CNBD2: variants seen among roughly 807,000 people sequenced by gnomAD.
CNBD2 encodes the protein cyclic nucleotide-binding domain-containing protein 2.
In CNBD2, 64 loss-of-function variants were observed where a neutral mutation model predicts 63.7. That is an observed-to-expected ratio of 1.00 (90% CI 0.82 to 1.24). The LOEUF (loss-of-function observed/expected upper bound fraction) is 1.24. Ranked by LOEUF, CNBD2 falls within the 50% of genes most tolerant of loss-of-function variation. The probability of loss-of-function intolerance (pLI) is 0.00; values close to 1 mark genes in which losing one functional copy is unlikely to be tolerated. For synonymous variants in CNBD2, 229 were observed against 255.4 expected (o/e 0.90, Z 0.99); for missense variants, 691 against 713.5 (o/e 0.97, Z 0.36).
At chr20:35,969,437 C>G (rs989383966) in intron 1 of CNBD2, among the ~76,000 whole-genome samples, 11 of 147,924 alleles carry the variant, frequency 7.4e-5, no homozygotes, top group African/African-American at 2.7e-4. Flanking sequence ...AAGCTCTTTA[C>G]CATCCCATGC....
At chr20:35,968,186 A>AG (rs1373184920), upstream of CNBD2, among the ~76,000 whole-genome samples, 13 of 152,230 alleles carry the variant, frequency 8.5e-5, no homozygotes, top group African/African-American at 3.1e-4. Context: ...ATGCAAATTA[A>AG]GGGGCAGGTT....
chr20:35,961,965 A>G (rs1422103296), intron 2 of CNBD2, among the ~76,000 whole-genome samples: 1 of 152,094 alleles, frequency 6.6e-6, no homozygotes, highest in Non-Finnish European at 1.5e-5. Flanking sequence ...CACCATCCCA[A>G]TGTTCTACTG....
intron 2 of CNBD2, 134 bp downstream of exon 2, chr20:35,972,900 T>C: frequency 1.3e-6 from 1 of 773,072 alleles, no homozygotes; most frequent in East Asian, 2.6e-5. Flanking sequence ...TGGTCACTTT[T>C]ATTAATGGCC....
rs537571918 is a variant in CNBD2, at chr20:35,995,409, C to G, written c.970+257C>G. On this transcript the variant is annotated intron_variant, in intron 8 of 11. Coordinates refer to ENST00000373973, the MANE Select transcript of CNBD2 (RefSeq NM_001365709.1). The stretch of plus-strand genomic sequence containing the variant: ...ACTCCTTGCCTCACATATCCCCCAC[C>G]CTTTTTTTCACCCAGCTCTCTTCTG... Among the ~76,000 whole-genome samples, 41 of 152,230 alleles carry G rather than the reference C, an allele frequency of 2.7e-4. 2 individuals carry two copies. The South Asian group carries it at 6.9e-3, about 25-fold the overall frequency.
chr20:35,972,994 G>A (rs1160104183), intron 2 of CNBD2: 3 of 551,752 alleles, frequency 5.4e-6, no homozygotes, highest in Non-Finnish European at 9.5e-6. Flanking sequence ...AGCCTTACAT[G>A]CCTAGCCACA....
chr20:35,974,491 T>C (rs1313347776), intron 2 of CNBD2: 1 of 153,798 alleles, frequency 6.5e-6, no homozygotes. Context: ...CCAGAGTGGC[T>C]TGAGCAGAGC....
intron 7 of CNBD2, among the ~76,000 whole-genome samples, chr20:35,989,952 C>G (rs1157148626): frequency 6.6e-6 from 1 of 150,904 alleles, no homozygotes; most frequent in Non-Finnish European, 1.5e-5. Context: ...AAGGAGCAAG[C>G]AAGAGAGAGA....
intron 1 of CNBD2, 23 bp from the exon 2 acceptor site, chr20:35,972,606 T>C: frequency 3.7e-6 from 6 of 1,612,852 alleles, no homozygotes; most frequent in Non-Finnish European, 5.1e-6. Context: ...TTTCTATTGA[T>C]CTTGTTTGCT....
chr20:36,002,180 C>G (rs1216093021), intron 8 of CNBD2, among the ~76,000 whole-genome samples: 1 of 152,204 alleles, frequency 6.6e-6, no homozygotes, highest in South Asian at 2.1e-4. Flanking sequence ...GGATCACTCG[C>G]GGTTAGGAGC....
intron 10 of CNBD2, among the ~76,000 whole-genome samples, chr20:36,011,748 C>T (rs971521679): frequency 1.9e-4 from 29 of 152,148 alleles, no homozygotes; most frequent in Non-Finnish European, 1.3e-4. Flanking sequence ...TAATTCCAAA[C>T]AATTTTTTTA....
chr20:35,976,628 T>C (rs529871225), intron 3 of CNBD2, among the ~76,000 whole-genome samples: 5 of 152,342 alleles, frequency 3.3e-5, no homozygotes, highest in Admixed American at 1.3e-4. Flanking sequence ...AGAATGCTTT[T>C]ATATCCATGG....
chr20:35,955,912 A>G (rs6058376), downstream of CNBD2, among the ~76,000 whole-genome samples: 39,588 of 151,944 alleles, frequency 0.26, 6,191 homozygotes, highest in African/African-American at 0.44. Flanking sequence ...GTACAGATGG[A>G]GTTTCACCGT....
rs530584826 is a variant in CNBD2, at chr20:36,008,209, G to A, written c.971-88G>A. The A allele has an allele frequency of 6.5e-5, 72 of 1,110,344 alleles. No homozygotes were observed. In the African/African-American group the frequency reaches 1.1e-3, roughly 16 times the overall value. 68.8% of individuals were successfully genotyped at this position (1,110,344 alleles called of 1,614,324 possible). A position where few individuals can be genotyped will look rare whatever the true frequency, so the allele number is the denominator to read the frequency against. On this transcript the variant is annotated intron_variant, in intron 8 of 11. Coordinates refer to ENST00000373973, the MANE Select transcript of CNBD2 (RefSeq NM_001365709.1). Reference sequence around the variant, plus strand: ...CCCATGTGCTAGACCATCCAGGCAGGTTCCTGTGATAAGCTTCAACTACTA... The same window carrying A: ...CCCATGTGCTAGACCATCCAGGCAGATTCCTGTGATAAGCTTCAACTACTA...
Position 35,983,996 on chromosome 20 carries a change from G to C in CNBD2, c.422G>C (p.Arg141Pro). 1.2e-6 allele frequency: 2 copies of C among 1,614,176 alleles called. No individual in the cohort carries two copies. Among genetic ancestry groups the C allele is most frequent in the Non-Finnish European group, 1.7e-6 (2 of 1,180,018 alleles). Residue 141 changes from arginine to proline, a missense_variant, in exon 5 of 12, where the codon CGT becomes CCT. Coordinates refer to ENST00000373973, the MANE Select transcript of CNBD2 (RefSeq NM_001365709.1). ...VMRFERFGRR[R>P]VIIKKGQKGN... ...TCTTTTCCCAGGTTTGGTCGCAGGC[G>C]TGTGATCATCAAGAAGGGGCAGAAG...
upstream of CNBD2, chr20:35,954,670 G>C (rs988946591): frequency 4.1e-6 from 5 of 1,229,790 alleles, no homozygotes; most frequent in African/African-American, 6.3e-5. Context: ...GCGCCAGTTC[G>C]AGGAGGAGTC....
At chr20:35,956,687 C>T (rs1349683304), downstream of CNBD2, among the ~76,000 whole-genome samples, 2 of 152,196 alleles carry the variant, frequency 1.3e-5, no homozygotes, top group African/African-American at 4.8e-5. Context: ...GAGTGACCAA[C>T]AGTGCTATTC....
chr20:35,963,223 C>T (rs1045816033), intron 2 of CNBD2, among the ~76,000 whole-genome samples: 2 of 151,522 alleles, frequency 1.3e-5, no homozygotes, highest in East Asian at 3.9e-4. Context: ...CACCTGTGGT[C>T]CCAACTACTT....
chr20:35,956,182 T>C (rs757789278), downstream of CNBD2, among the ~76,000 whole-genome samples: 4 of 152,312 alleles, frequency 2.6e-5, no homozygotes, highest in Middle Eastern at 3.4e-3. Context: ...AGCCCTGATA[T>C]AAAACTTACC....
At position 36,011,500 on chromosome 20, in the gene CNBD2, C is replaced by T. The variant is rs143682622; in HGVS notation, c.1269+243C>T. On this transcript the variant is annotated intron_variant, in intron 10 of 11. Transcript: ENST00000373973. ...AGGAGTTTGAGACCAGCCTGACCAA[C>T]ATGGTGAAACCCTGTCTCTACTAAA... Among the ~76,000 whole-genome samples, 520 of 152,234 alleles carry T rather than the reference C, an allele frequency of 3.4e-3. 1 individual carries two copies. Among genetic ancestry groups the T allele is most frequent in the African/African-American group, 0.012 (494 of 41,534 alleles).
Sources: gnomAD v4.1 joint callset for allele counts (sites outside exome capture counted in the v4.1 genomes callset) on GRCh38, gnomAD v4.1.1 for gene constraint, MANE v1.5 for transcripts, NCBI Gene and HGNC (gene_info 2026-07-23, HGNC 2026-07-21) for gene names.